The following DPP6 variants were observed in gnomAD, a reference collection of about 807,000 sequenced individuals.
DPP6 encodes the protein dipeptidyl peptidase like 6.
A neutral mutation model predicts 122.6 loss-of-function variants in DPP6; 69 were observed. The ratio of observed to expected loss-of-function variants is 0.56; its 90% CI spans 0.46 to 0.69. DPP6 has a LOEUF of 0.69. DPP6 is among the 30% of genes least tolerant of loss of function. DPP6 has a pLI of 0.00. For synonymous variants in DPP6, 418 were observed against 433.1 expected, an observed-to-expected ratio of 0.97 and a Z score of 0.43; for missense variants, 928 against 1,116.9, an observed-to-expected ratio of 0.83 and a Z score of 2.41.
the DPP6 span, among the ~76,000 whole-genome samples, chr7:153,803,264 G>T: frequency 1.3e-5 from 2 of 148,682 alleles, no homozygotes; most frequent in African/African-American, 5.1e-5. Context: ...AACCTGAGTG[G>T]GATACAGGAT....
chr7:154,733,464 T>C (rs561870302), intron 8 of DPP6, among the ~76,000 whole-genome samples: 148 of 152,312 alleles, frequency 9.7e-4, no homozygotes, highest in African/African-American at 3.4e-3. Context: ...TTCTTTATAG[T>C]TTCTCAAAGC....
the DPP6 span, among the ~76,000 whole-genome samples, chr7:153,865,340 GATTT>G: frequency 6.6e-6 from 1 of 152,074 alleles, no homozygotes; most frequent in Non-Finnish European, 1.5e-5. Context: ...TTAGGTTTGG[GATTT>G]ATTTTTTAGA....
intron 1 of DPP6, among the ~76,000 whole-genome samples, chr7:154,266,716 A>G (rs952352463): frequency 1.3e-5 from 2 of 152,246 alleles, no homozygotes; most frequent in African/African-American, 2.4e-5. Flanking sequence ...ATATGATTAC[A>G]TATCTGTTCA....
chr7:154,824,425 ATG>A (rs1800007715), intron 16 of DPP6, among the ~76,000 whole-genome samples: 1 of 152,072 alleles, frequency 6.6e-6, no homozygotes, highest in Non-Finnish European at 1.5e-5. Flanking sequence ...GATTACAGGC[ATG>A]TGCCACCACA....
chr7:154,121,228 C>T (rs544192942), intron 1 of DPP6, among the ~76,000 whole-genome samples: 2 of 152,260 alleles, frequency 1.3e-5, no homozygotes, highest in East Asian at 1.9e-4. Context: ...CGGACTAATC[C>T]GGTAATATTC....
intron 1 of DPP6, among the ~76,000 whole-genome samples, chr7:154,224,790 A>G (rs1800498310): frequency 6.7e-6 from 1 of 149,076 alleles, no homozygotes; most frequent in Non-Finnish European, 1.5e-5. Context: ...CAATTTGATG[A>G]CGTAAGAGGG....
intron 1 of DPP6, among the ~76,000 whole-genome samples, chr7:154,105,263 C>T (rs575844199): frequency 2.0e-5 from 3 of 152,336 alleles, no homozygotes; most frequent in Non-Finnish European, 4.4e-5. Context: ...TGCTGTGTTC[C>T]TTCTTTGATG....
At chr7:154,889,227 G>A in intron 23 of DPP6, 45 bp from the exon 24 acceptor site, 1 of 1,593,760 alleles carries the variant, frequency 6.3e-7, no homozygotes, top group Non-Finnish European at 8.5e-7. Context: ...CTGGCTCCCT[G>A]CAGTGCAGCC....
At chr7:154,856,925 T>C (rs185022382) in intron 17 of DPP6, among the ~76,000 whole-genome samples, 2 of 152,326 alleles carry the variant, frequency 1.3e-5, no homozygotes, top group African/African-American at 4.8e-5. Context: ...ACAGTGAACC[T>C]GAAGGTGACA....
At position 154,540,535 on chromosome 7, in the gene DPP6, C is replaced by T; in HGVS notation, c.461C>T (p.Thr154Ile). The change falls in exon 4 of 26, where the codon ACA (threonine) becomes ATA (isoleucine). Residue 154 changes from threonine (T) to isoleucine (I), a missense_variant. By Grantham distance (89) the Thr-to-Ile change is moderately conservative (BLOSUM62 -1). Transcript: ENST00000377770. ...HDPEAKWISDTEFIYREQKGT... is the reference protein window; with the variant it reads ...HDPEAKWISDIEFIYREQKGT... ...TTTTCTACTTCCTCTCTTACAGATA[C>T]AGAATTCATCTACAGAGAACAGAAA... 6.3e-7 allele frequency: 1 copy of T among 1,595,978 alleles called. No homozygotes were observed. The highest frequency in any genetic ancestry group is 8.6e-7 in the Non-Finnish European group (1 of 1,166,222).
At position 153,945,591 on chromosome 7, in the gene DPP6, G is replaced by T. The variant is rs570779783; in HGVS notation, c.51+57857G>T. 2.6e-5 allele frequency among the ~76,000 whole-genome samples: 4 copies of T among 152,274 alleles called. No individual in the cohort carries two copies. In the South Asian group the frequency reaches 6.2e-4, roughly 24 times the overall value. On this transcript the variant is annotated intron_variant, in intron 1 of 25. Coordinates refer to the DPP6 transcript ENST00000404039. ...GAGGCACAGGGTTGGCGGTGGAGGC[G>T]CTTGGAGGCACAGAAGGGTGCTCTT...
intron 1 of DPP6, among the ~76,000 whole-genome samples, chr7:153,889,955 G>A (rs548527468): frequency 3.3e-5 from 5 of 152,228 alleles, no homozygotes; most frequent in Non-Finnish European, 7.3e-5. Context: ...TCAGTTGAGT[G>A]ATCATTTAGG....
the DPP6 span, among the ~76,000 whole-genome samples, chr7:153,801,258 A>C: frequency 7.0e-6 from 1 of 143,386 alleles, no homozygotes; most frequent in Admixed American, 7.2e-5. Context: ...CACCAAAGAA[A>C]TGTATCTATC....
chr7:154,696,496 C>CTTCTGAGG (rs1840226487), intron 7 of DPP6, among the ~76,000 whole-genome samples: 1 of 152,212 alleles, frequency 6.6e-6, no homozygotes, highest in East Asian at 1.9e-4. Flanking sequence ...AGTTTGGTGA[C>CTTCTGAGG]TTCTGAGGTC....
chr7:154,161,254 T>TG (rs1796967121), intron 1 of DPP6, among the ~76,000 whole-genome samples: 1 of 152,268 alleles, frequency 6.6e-6, no homozygotes, highest in South Asian at 2.1e-4. Context: ...CCCAGCACTT[T>TG]GGGAGGCTGA....
chr7:153,792,180 G>A, the DPP6 span, among the ~76,000 whole-genome samples: 1 of 152,172 alleles, frequency 6.6e-6, no homozygotes. Flanking sequence ...AACTTTGTGA[G>A]ATGTTCCTAT....
intron 7 of DPP6, among the ~76,000 whole-genome samples, chr7:154,720,529 GCAGAGAGCACATGCCCCGCTCCAGCATGT>G (rs1586953795): frequency 6.6e-6 from 1 of 152,164 alleles, no homozygotes; most frequent in Admixed American, 6.5e-5. Context: ...CTCCAGGATG[GCAGAGAGCACATGCCCCGCTCCAGCATGT>G]CAGAGAGCAC....
chr7:153,813,707 T>C, the DPP6 span, among the ~76,000 whole-genome samples: 1 of 152,148 alleles, frequency 6.6e-6, no homozygotes, highest in East Asian at 1.9e-4. Context: ...GACTTTTTAA[T>C]GATTGCCATT....
intron 7 of DPP6, among the ~76,000 whole-genome samples, chr7:154,724,800 G>A (rs1215486802): frequency 2.6e-5 from 4 of 152,220 alleles, no homozygotes; most frequent in South Asian, 2.1e-4. Context: ...TATTTAACGG[G>A]GACAGAGTTT....
Sources: gnomAD v4.1 joint callset for allele counts (sites outside exome capture counted in the v4.1 genomes callset) on GRCh38, gnomAD v4.1.1 for gene constraint, MANE v1.5 for transcripts, NCBI Gene and HGNC (gene_info 2026-07-23, HGNC 2026-07-21) for gene names.